The following XKR9 variants were observed in gnomAD, a reference collection of about 807,000 sequenced individuals.
XKR9 encodes XK-related protein 9.
Under a neutral mutation model 32.0 loss-of-function variants are expected in XKR9, and 32 were observed. The ratio of observed to expected loss-of-function variants is 1.00; its 90% CI spans 0.76 to 1.34. XKR9 has a LOEUF of 1.34. XKR9 is among the 40% of genes most tolerant of loss of function. The pLI, the probability that XKR9 is intolerant of heterozygous loss-of-function variation, is 0.00. For missense variants in XKR9, 546 were observed against 429.7 expected (o/e 1.27, Z -2.39); for synonymous variants, 168 against 143.4 (o/e 1.17, Z -1.22).
At chr8:70,966,574 G>A in the XKR9 span, among the ~76,000 whole-genome samples, 1 of 152,338 alleles carries the variant, frequency 6.6e-6, no homozygotes, top group South Asian at 2.1e-4. Context: ...GTGGCAATGA[G>A]AAGAATGGTT....
chr8:70,914,947 C>T, the XKR9 span, among the ~76,000 whole-genome samples: 1 of 152,126 alleles, frequency 6.6e-6, no homozygotes, highest in Admixed American at 6.6e-5. Context: ...TGCAGGATAA[C>T]TGGAGTTATT....
chr8:71,030,361 ACT>A, the XKR9 span, among the ~76,000 whole-genome samples: 1 of 152,148 alleles, frequency 6.6e-6, no homozygotes, highest in African/African-American at 2.4e-5. Flanking sequence ...CCTCACAGAC[ACT>A]CTGGGAGCTG....
the XKR9 span, among the ~76,000 whole-genome samples, chr8:70,819,635 C>T: frequency 6.6e-6 from 1 of 152,108 alleles, no homozygotes; most frequent in Non-Finnish European, 1.5e-5. Context: ...CTGTTTTAAC[C>T]TATAGGGTTA....
chr8:70,889,118 A>G, the XKR9 span, among the ~76,000 whole-genome samples: 2 of 151,206 alleles, frequency 1.3e-5, no homozygotes, highest in Non-Finnish European at 3.0e-5. Context: ...TGCCCTGTCA[A>G]TTTCTTTCAT....
At chr8:70,818,179 TG>T in the XKR9 span, among the ~76,000 whole-genome samples, 4 of 143,658 alleles carry the variant, frequency 2.8e-5, no homozygotes, top group South Asian at 2.1e-4. Context: ...TTGTTGTTGT[TG>T]TTTTTTTGTT....
chr8:70,816,700 G>C, the XKR9 span, among the ~76,000 whole-genome samples: 1 of 152,052 alleles, frequency 6.6e-6, no homozygotes, highest in African/African-American at 2.4e-5. Context: ...ATCCTTGCAA[G>C]CCCGAAGAGA....
At chr8:70,900,065 G>T in the XKR9 span, among the ~76,000 whole-genome samples, 10 of 151,858 alleles carry the variant, frequency 6.6e-5, no homozygotes, top group African/African-American at 2.4e-4. Flanking sequence ...CTAAAAATGT[G>T]CACTCCAGCC....
At chr8:70,685,737 G>T (rs752441759) in intron 3 of XKR9, among the ~76,000 whole-genome samples, 1 of 94,184 alleles carries the variant, frequency 1.1e-5, no homozygotes, top group African/African-American at 4.0e-5. Flanking sequence ...ACTGTTGTGG[G>T]GTGGGGGGAG....
chr8:70,983,180 C>A, the XKR9 span, among the ~76,000 whole-genome samples: 1 of 152,192 alleles, frequency 6.6e-6, no homozygotes, highest in Admixed American at 6.5e-5. Flanking sequence ...TCAGTGATTA[C>A]TTCTTCAAGA....
chr8:70,727,183 T>C (rs1470285234), intron 4 of XKR9, among the ~76,000 whole-genome samples: 1 of 152,160 alleles, frequency 6.6e-6, no homozygotes, highest in Non-Finnish European at 1.5e-5. Flanking sequence ...GTTTTTATCT[T>C]TTAGTTCCAT....
chr8:70,882,042 T>C, the XKR9 span, among the ~76,000 whole-genome samples: 1 of 152,040 alleles, frequency 6.6e-6, no homozygotes, highest in African/African-American at 2.4e-5. Flanking sequence ...ATGTTCTCAC[T>C]CATAGGTGGG....
chr8:70,768,978 G>A (rs191911092), intron 2 of XKR9, among the ~76,000 whole-genome samples: 6 of 152,070 alleles, frequency 3.9e-5, no homozygotes, highest in Admixed American at 1.3e-4. Flanking sequence ...ATCATGATGC[G>A]AACTGGTTAT....
the XKR9 span, among the ~76,000 whole-genome samples, chr8:70,852,166 A>G: frequency 0.014 from 2,099 of 152,370 alleles, 64 homozygotes; most frequent in African/African-American, 0.048. Flanking sequence ...TATGTGGCCA[A>G]CAAACATATG....
At chr8:70,710,932 G>A (rs1011099783) in intron 4 of XKR9, among the ~76,000 whole-genome samples, 12 of 151,974 alleles carry the variant, frequency 7.9e-5, no homozygotes, top group Non-Finnish European at 1.6e-4. Flanking sequence ...AACAAATCAA[G>A]CAAAGAACAA....
At chr8:71,056,382 T>G in the XKR9 span, among the ~76,000 whole-genome samples, 1 of 152,170 alleles carries the variant, frequency 6.6e-6, no homozygotes, top group Non-Finnish European at 1.5e-5. Flanking sequence ...AATAAAAAAC[T>G]TCAGCATGGT....
In XKR9 at chr8:70,724,649, A is replaced by C. The variant is rs189521633; in HGVS notation, c.494-9147A>C. Among the ~76,000 whole-genome samples the C allele has an allele frequency of 1.0e-3, 154 of 152,144 alleles. 2 individuals carry two copies. Among genetic ancestry groups the C allele is most frequent in the African/African-American group, 3.5e-3 (144 of 41,510 alleles). The stretch of plus-strand genomic sequence containing the variant: ...GGGAGGGAGGTCCCTGGCCCCTTGC[A>C]CTTCATGGGTGAGGTGACAACCCAC... On this transcript the variant is annotated intron_variant, in intron 4 of 4. Transcript: ENST00000408926.
the XKR9 span, among the ~76,000 whole-genome samples, chr8:70,873,109 C>T: frequency 6.6e-6 from 1 of 152,174 alleles, no homozygotes; most frequent in African/African-American, 2.4e-5. Context: ...GCATAGTTTA[C>T]TGAATAGTTT....
the XKR9 span, among the ~76,000 whole-genome samples, chr8:70,953,690 A>G: frequency 6.6e-6 from 1 of 152,190 alleles, no homozygotes; most frequent in Non-Finnish European, 1.5e-5. Flanking sequence ...GTAGTCTTCC[A>G]TCCTGATGGG....
chr8:70,706,333 A>G (rs1057437829), intron 3 of XKR9, among the ~76,000 whole-genome samples: 2 of 152,040 alleles, frequency 1.3e-5, no homozygotes, highest in African/African-American at 2.4e-5. Context: ...TTGAAGTTTT[A>G]TATATTTTCT....
Sources: allele counts gnomAD v4.1 joint callset (sites outside exome capture counted in the v4.1 genomes callset), GRCh38; gene constraint gnomAD v4.1.1; transcripts MANE v1.5; gene names NCBI Gene and HGNC (gene_info 2026-07-23, HGNC 2026-07-21).